DNAAF11: variants seen among roughly 807,000 people sequenced by gnomAD.
The protein encoded by DNAAF11 is dynein axonemal assembly factor 11.
DNAAF11 carries 45 observed loss-of-function variants against 60.8 expected under a neutral mutation model. The observed-to-expected ratio is 0.74, with a 90% confidence interval of 0.58 to 0.95. The LOEUF (loss-of-function observed/expected upper bound fraction) is 0.95, where lower values mean the gene tolerates loss of function less well. DNAAF11 is among the 40% of genes least tolerant of loss of function. The probability of loss-of-function intolerance (pLI) is 0.00; values close to 1 mark genes in which losing one functional copy is unlikely to be tolerated. For synonymous variants in DNAAF11, 191 were observed against 183.5 expected (o/e 1.04, Z -0.33); for missense variants, 546 against 546.2 (o/e 1.00, Z 0.00).
chr8:132,699,830 G>A, the DNAAF11 span, among the ~76,000 whole-genome samples: 1 of 152,166 alleles, frequency 6.6e-6, no homozygotes, highest in Non-Finnish European at 1.5e-5. Flanking sequence ...ATTATGTTAA[G>A]TGAAACAAAC....
At chr8:132,599,481 T>A (rs1817371403) in intron 10 of DNAAF11, among the ~76,000 whole-genome samples, 2 of 151,608 alleles carry the variant, frequency 1.3e-5, no homozygotes, top group Admixed American at 6.6e-5. Context: ...CAAAAAAGAG[T>A]TTCAGGCCAA....
the DNAAF11 span, among the ~76,000 whole-genome samples, chr8:132,689,186 T>C: frequency 1.3e-5 from 2 of 152,340 alleles, no homozygotes; most frequent in South Asian, 2.1e-4. Context: ...TTGAGTAGCC[T>C]CTTTTGTAAA....
intron 6 of DNAAF11, among the ~76,000 whole-genome samples, chr8:132,623,684 T>C (rs1819975105): frequency 6.6e-6 from 1 of 152,192 alleles, no homozygotes; most frequent in South Asian, 2.1e-4. Context: ...CTTAAATTTC[T>C]ATTGTACTTT....
chr8:132,614,375 CA>C (rs1281492484), intron 8 of DNAAF11, among the ~76,000 whole-genome samples: 1 of 152,152 alleles, frequency 6.6e-6, no homozygotes, highest in Non-Finnish European at 1.5e-5. Flanking sequence ...CACAGTGAAC[CA>C]GGGCCTAAAA....
chr8:132,648,027 A>G (rs201718471), intron 3 of DNAAF11, among the ~76,000 whole-genome samples: 287 of 152,226 alleles, frequency 1.9e-3, no homozygotes, highest in Middle Eastern at 3.4e-3. Context: ...GAATCATCCT[A>G]ATACCAAAGC....
chr8:132,668,501 C>T (rs1038331142), intron 1 of DNAAF11, among the ~76,000 whole-genome samples: 6 of 151,944 alleles, frequency 3.9e-5, no homozygotes, highest in African/African-American at 1.2e-4. Flanking sequence ...CCCAGTGGCG[C>T]GATCTTGGCT....
At chr8:132,674,249 G>A (rs1485382469) in intron 1 of DNAAF11, among the ~76,000 whole-genome samples, 1 of 152,030 alleles carries the variant, frequency 6.6e-6, no homozygotes, top group Non-Finnish European at 1.5e-5. Context: ...AAACCAACTA[G>A]GGTGAGACCA....
intron 3 of DNAAF11, among the ~76,000 whole-genome samples, chr8:132,644,291 C>A (rs1342820183): frequency 1.3e-5 from 2 of 152,144 alleles, no homozygotes; most frequent in African/African-American, 4.8e-5. Context: ...CAGTTATATT[C>A]ATAATAACAA....
chr8:132,598,944 A>C (rs921580482), intron 10 of DNAAF11, among the ~76,000 whole-genome samples: 1 of 152,226 alleles, frequency 6.6e-6, no homozygotes, highest in African/African-American at 2.4e-5. Flanking sequence ...TGAAGGAGAC[A>C]GAAACACAAA....
chr8:132,595,845 G>A (rs945930841), intron 10 of DNAAF11, among the ~76,000 whole-genome samples: 4 of 152,222 alleles, frequency 2.6e-5, no homozygotes, highest in Non-Finnish European at 4.4e-5. Flanking sequence ...ATAGAGCAGG[G>A]CAAACCGTGA....
chr8:132,643,602 T>G, intron 3 of DNAAF11: 1 of 454,794 alleles, frequency 2.2e-6, no homozygotes, highest in Non-Finnish European at 4.4e-6. Flanking sequence ...ACACGGAGGG[T>G]GGGTAGGAGA....
upstream of DNAAF11, among the ~76,000 whole-genome samples, chr8:132,677,023 A>C (rs575386206): frequency 4.6e-5 from 7 of 152,346 alleles, no homozygotes; most frequent in African/African-American, 1.7e-4. Context: ...ACTGTGTGGC[A>C]TCAGACAGAT....
chr8:132,656,651 T>C (rs1823602710), intron 3 of DNAAF11, among the ~76,000 whole-genome samples, 179 bp downstream of exon 3: 1 of 152,114 alleles, frequency 6.6e-6, no homozygotes, highest in Admixed American at 6.5e-5. Context: ...TTTGTATTTT[T>C]AGTAGAGACG....
intron 10 of DNAAF11, among the ~76,000 whole-genome samples, chr8:132,595,348 G>GAAAAAAAAAAAAAAAAAAAAAAAAAAA (rs71306394): frequency 3.5e-5 from 2 of 57,412 alleles, no homozygotes; most frequent in African/African-American, 2.2e-4. Flanking sequence ...AGACAGAGGG[G>GAAAAAAAAAAAAAAAAAAAAAAAAAAA]AAAAAAAAAA....
chr8:132,636,313 C>T (rs1409119788), intron 4 of DNAAF11, among the ~76,000 whole-genome samples: 3 of 152,040 alleles, frequency 2.0e-5, no homozygotes, highest in South Asian at 4.2e-4. Context: ...TAATTTAACC[C>T]GGAGAGAAGC....
chr8:132,688,987 TA>T, the DNAAF11 span, among the ~76,000 whole-genome samples: 1 of 152,194 alleles, frequency 6.6e-6, no homozygotes, highest in African/African-American at 2.4e-5. Context: ...CAAGATAATT[TA>T]AAATAGCATT....
chr8:132,582,572 C>G (rs972804564), intron 11 of DNAAF11, among the ~76,000 whole-genome samples: 3 of 152,132 alleles, frequency 2.0e-5, no homozygotes, highest in South Asian at 2.1e-4. Context: ...ATGGAAATCA[C>G]TAAGCTGGGA....
chr8:132,671,377 T>C (rs35208947), intron 1 of DNAAF11, among the ~76,000 whole-genome samples: 9,414 of 152,302 alleles, frequency 0.062, 385 homozygotes, highest in South Asian at 0.083. Context: ...TGTAGACATT[T>C]TGTAATATCT....
the DNAAF11 span, among the ~76,000 whole-genome samples, chr8:132,689,247 T>C: frequency 6.6e-6 from 1 of 152,174 alleles, no homozygotes; most frequent in Non-Finnish European, 1.5e-5. Flanking sequence ...CATTAGAGTA[T>C]TTCTATTGAC....
Sources: allele counts gnomAD v4.1 joint callset (sites outside exome capture counted in the v4.1 genomes callset), GRCh38; gene constraint gnomAD v4.1.1; transcripts MANE v1.5; gene names NCBI Gene and HGNC (gene_info 2026-07-23, HGNC 2026-07-21).